NF1: variants seen among roughly 807,000 people sequenced by gnomAD.
NF1 encodes neurofibromin.
NF1 carries 122 observed loss-of-function variants against 325.7 expected under a neutral mutation model. The observed-to-expected ratio is 0.37, with a 90% CI of 0.32 to 0.44. The LOEUF is 0.44. Ranked by LOEUF, NF1 falls within the 20% of genes least tolerant of loss-of-function variation. The pLI, the probability that NF1 is intolerant of heterozygous loss-of-function variation, is 1.00. For synonymous variants in NF1, 1,091 were observed against 1,186.0 expected (o/e 0.92, Z 1.65); for missense variants, 2,140 against 3,415.4 (o/e 0.63, Z 9.31).
chr17:31,312,782 A>G (rs1345029092), intron 36 of NF1, among the ~76,000 whole-genome samples: 3 of 152,180 alleles, frequency 2.0e-5, no homozygotes, highest in Non-Finnish European at 2.9e-5. Context: ...ATGAATATTT[A>G]TTAAGTGTTG....
chr17:31,307,508 T>C (rs1256583641), intron 36 of NF1, among the ~76,000 whole-genome samples: 5 of 152,172 alleles, frequency 3.3e-5, no homozygotes, highest in East Asian at 3.8e-4. Context: ...ATATGAAAGT[T>C]TGGCAGATAG....
Position 31,181,801 on chromosome 17 carries a change from A to ATTTTTTTTTT in NF1, c.730+23_730+32dup, listed in dbSNP as rs71142032. ...GATATGGCTGGTAAGGATACGATTG[A>ATTTTTTTTTT]TTTTTTTTTTTTTTTTGTCTTTTAA... On this transcript the variant is annotated intron_variant, in intron 7 of 57. Transcript: ENST00000358273. The ATTTTTTTTTT allele has an allele frequency of 9.0e-6, 11 of 1,218,956 alleles. No homozygotes were observed. The highest frequency in any genetic ancestry group is 1.4e-5 in the South Asian group (1 of 72,838). The allele number at this position is 1,218,956 out of a possible 1,614,324, so 75.5% of individuals were successfully genotyped here.
In NF1 at chr17:31,336,517, T is replaced by C. The variant is rs199946976; in HGVS notation, c.6147+44T>C. 6.2e-7 allele frequency: 1 copy of C among 1,613,320 alleles called. No individual in the cohort carries two copies. Among genetic ancestry groups the C allele is most frequent in the African/African-American group, 1.3e-5 (1 of 75,014 alleles). On this transcript the variant is annotated intron_variant, in intron 41 of 57. Coordinates refer to ENST00000358273, the MANE Select transcript of NF1 (RefSeq NM_001042492.3). The surrounding 1 kb of genome is among the most constrained non-coding windows in gnomAD (Gnocchi z 5.5). ...CCTTCTGTACTATAGCATATCTGTT[T>C]TATCATCAGGAGGTTTTTTGTTTTG... is the stretch of plus-strand genomic sequence containing the variant.
intron 35 of NF1, among the ~76,000 whole-genome samples, chr17:31,263,066 G>T (rs1440738106): frequency 2.0e-5 from 3 of 146,916 alleles, no homozygotes; most frequent in African/African-American, 7.8e-5. Context: ...TAGGTAGGTA[G>T]GTAGATAGAT....
At chr17:31,108,735 AAGAGCTGTGTAATATAAAAACAACTCAAT>A (rs1459752547) in intron 1 of NF1, among the ~76,000 whole-genome samples, 1 of 152,204 alleles carries the variant, frequency 6.6e-6, no homozygotes, top group Non-Finnish European at 1.5e-5. Context: ...TACTGACTTT[AAGAGCTGTGTAATATAAAAACAACTCAAT>A]TAGGAATCAG....
In NF1 at chr17:31,156,067, T is replaced by A. The variant is rs764367878; in HGVS notation, c.145T>A (p.Tyr49Asn). 8 of 1,613,338 alleles carry A rather than the reference T, an allele frequency of 5.0e-6. No homozygotes were observed. The highest frequency in any genetic ancestry group is 1.3e-5 in the African/African-American group (1 of 74,834). The change falls in exon 2 of 58, where the codon TAC becomes AAC. Residue 49 changes from tyrosine (Y) to asparagine (N), a missense_variant. By Grantham distance (143) the Tyr-to-Asn change is moderately radical. Around this residue, in one of 10 missense-constraint regions of NF1, gnomAD observed 246 missense variants for 347.8 expected, o/e 0.71. Coordinates refer to ENST00000358273, the MANE Select transcript of NF1 (RefSeq NM_001042492.3). ...GGAATGTCTAATCAATATTTCCAAATACAAGTTTTCTTTGGTTATAAGCGG... is the reference window on the plus strand; with the variant it reads ...GGAATGTCTAATCAATATTTCCAAAAACAAGTTTTCTTTGGTTATAAGCGG... ...NKECLINISK[Y>N]KFSLVISGLT...
At chr17:31,338,565 C>G in intron 45 of NF1, 139 bp from the exon 46 acceptor site, 1 of 664,598 alleles carries the variant, frequency 1.5e-6, no homozygotes, top group Non-Finnish European at 2.7e-6. Context: ...AAGCTAGCTA[C>G]CAAGATCACC....
Position 31,334,969 on chromosome 17 carries a change from A to T in NF1, c.5944A>T (p.Thr1982Ser). 1 of 1,613,668 alleles carries T rather than the reference A, an allele frequency of 6.2e-7. No individual in the cohort carries two copies. Among genetic ancestry groups the T allele is most frequent in the Non-Finnish European group, 8.5e-7 (1 of 1,179,952 alleles). The change falls in exon 40 of 58, where the codon ACC becomes TCC. Residue 1982 changes from threonine (T) to serine (S), a missense_variant. Around this residue, in one of 10 missense-constraint regions of NF1, gnomAD observed 180 missense variants for 435.1 expected, o/e 0.41. Coordinates refer to ENST00000358273, the MANE Select transcript of NF1 (RefSeq NM_001042492.3). Reference sequence around the variant, plus strand: ...TATTCTTGACAAGCTGATAACAATGACCATCAATGAAAAACAGATGTACCC... The same window carrying T: ...TATTCTTGACAAGCTGATAACAATGTCCATCAATGAAAAACAGATGTACCC... ...TAILDKLITM[T>S]INEKQMYPSI...
chr17:31,135,606 G>T (rs1915709178), intron 1 of NF1, among the ~76,000 whole-genome samples: 3 of 151,894 alleles, frequency 2.0e-5, no homozygotes, highest in Admixed American at 2.0e-4. Context: ...TTTCTCTGTT[G>T]CCCTAACTTG....
At chr17:31,338,395 T>C (rs1323969175) in intron 45 of NF1, among the ~76,000 whole-genome samples, 1 of 152,202 alleles carries the variant, frequency 6.6e-6, no homozygotes, top group Non-Finnish European at 1.5e-5. Context: ...GTTGCCTCTT[T>C]TGCTAAGCAG....
At chr17:31,182,781 A>G in intron 8 of NF1, 116 bp downstream of exon 8, 1 of 1,021,558 alleles carries the variant, frequency 9.8e-7, no homozygotes. Context: ...AACCATTTAA[A>G]TGATCATTTT....
chr17:31,114,550 A>G (rs370405234), intron 1 of NF1, among the ~76,000 whole-genome samples: 13 of 150,664 alleles, frequency 8.6e-5, no homozygotes, highest in African/African-American at 2.9e-4. Context: ...AAAAGAATAA[A>G]AAAAAAAAAG....
At chr17:31,243,191 T>TGTGTGTGTGTGTGTGTGTGTGTGG (rs1345374750) in intron 29 of NF1, among the ~76,000 whole-genome samples, 95 of 151,264 alleles carry the variant, frequency 6.3e-4, no homozygotes, top group African/African-American at 2.2e-3. Context: ...TGTCTGTGTG[T>TGTGTGTGTGTGTGTGTGTGTGTGG]GTGTGTGTGT....
intron 1 of NF1, among the ~76,000 whole-genome samples, chr17:31,143,443 GT>G (rs372755775): frequency 2.0e-5 from 3 of 151,078 alleles, no homozygotes; most frequent in Admixed American, 2.0e-4. Context: ...ATTTTTAAAT[GT>G]TTTTTTTGTA....
chr17:31,318,283 C>A, intron 36 of NF1: 2 of 1,584,114 alleles, frequency 1.3e-6, no homozygotes, highest in Non-Finnish European at 1.7e-6. Context: ...CTTCTCATTG[C>A]TACTTTGCAT....
At chr17:31,348,574 CAT>C (rs2151571557) in intron 48 of NF1, among the ~76,000 whole-genome samples, 1 of 149,844 alleles carries the variant, frequency 6.7e-6, no homozygotes, top group South Asian at 2.1e-4. Flanking sequence ...GTCTTTGAAA[CAT>C]AATGCTTATT....
intron 36 of NF1, chr17:31,318,324 A>G: frequency 6.2e-7 from 1 of 1,609,258 alleles, no homozygotes; most frequent in Admixed American, 1.7e-5. Flanking sequence ...GTTTGTTAGT[A>G]AGTTTTTCAG....
At chr17:31,182,834 A>C in intron 8 of NF1, 169 bp downstream of exon 8, 1 of 657,250 alleles carries the variant, frequency 1.5e-6, no homozygotes, top group South Asian at 1.9e-5. Flanking sequence ...ATACTCATAC[A>C]TAATTTTATT....
chr17:31,336,982 A>C lies in NF1; in HGVS notation c.6427+68A>C. 6.6e-6 allele frequency: 10 copies of C among 1,507,508 alleles called. 1 individual carries two copies. In the South Asian group the frequency reaches 1.1e-4, roughly 17 times the overall value. 93.4% of individuals were successfully genotyped at this position (1,507,508 alleles called of 1,614,324 possible). Reference sequence around the variant, plus strand: ...CCATTTTACTTCACCTGATCAATATAGATTATCTTATTTATGTTTGTGCTC... The same window carrying C: ...CCATTTTACTTCACCTGATCAATATCGATTATCTTATTTATGTTTGTGCTC... On this transcript the variant is annotated intron_variant, in intron 42 of 57. Transcript: ENST00000358273. This position sits in a 1 kb window ranked among gnomAD's most constrained non-coding sequence, Gnocchi z 5.5.
Sources: gnomAD v4.1 joint callset for allele counts (sites outside exome capture counted in the v4.1 genomes callset) on GRCh38, gnomAD v4.1.1 for gene constraint, gnomAD v4.1.1 regional missense constraint, Gnocchi (gnomAD v3.1) non-coding constraint, MANE v1.5 for transcripts, NCBI Gene and HGNC (gene_info 2026-07-23, HGNC 2026-07-21) for gene names.